Variants in TASOR2 observed in about 807,000 individuals in gnomAD.
TASOR2 encodes the protein protein TASOR 2.
A neutral mutation model predicts 199.5 loss-of-function variants in TASOR2; 84 were observed. The ratio of observed to expected loss-of-function variants is 0.42; its 90% CI spans 0.35 to 0.50. TASOR2 has a LOEUF of 0.50. TASOR2 is among the 20% of genes least tolerant of loss of function. TASOR2 has a pLI of 0.02. For missense variants in TASOR2, 2,796 were observed against 2,835.9 expected, an observed-to-expected ratio of 0.99 and a Z score of 0.32; for synonymous variants, 1,103 against 1,046.6, an observed-to-expected ratio of 1.05 and a Z score of -1.04.
chr10:5,741,164 C>T (rs762996183), intron 13 of TASOR2, among the ~76,000 whole-genome samples: 1 of 152,152 alleles, frequency 6.6e-6, no homozygotes, highest in East Asian at 1.9e-4. Context: ...TGGGAGAGGC[C>T]TGACATTCTG....
At chr10:5,731,885 C>G (rs754010591) in intron 11 of TASOR2, among the ~76,000 whole-genome samples, 1 of 152,182 alleles carries the variant, frequency 6.6e-6, no homozygotes, top group African/African-American at 2.4e-5. Flanking sequence ...ACCAGCAAAC[C>G]GTGATAGCTG....
At position 5,748,922 on chromosome 10, in the gene TASOR2, T is replaced by C; in HGVS notation, c.5501T>C (p.Leu1834Pro). 1 of 1,614,124 alleles carries C rather than the reference T, an allele frequency of 6.2e-7. No homozygotes were observed. Among genetic ancestry groups the C allele is most frequent in the African/African-American group, 1.3e-5 (1 of 75,024 alleles). ...CTCTCTGGAGATTCTGATCTAGACC[T>C]GCTTGGTGATTGTAGAAATCCCAGA... The change falls in exon 15 of 21, where the codon CTG becomes CCG. Residue 1834 changes from leucine to proline, a missense_variant. By Grantham distance (98) the Leu-to-Pro change is moderately conservative. Transcript: ENST00000328090. The surrounding 1 kb of genome is among the most constrained non-coding windows in gnomAD (Gnocchi z 5.1).
In TASOR2 at chr10:5,685,580, C is replaced by G. The variant is rs1235377383; in HGVS notation, c.-288+405C>G. ...GTTCTGCGTGAAGCCTGCTGCTACT[C>G]GAGACTTCATGGCAATGCGCCACCT... is the stretch of plus-strand genomic sequence containing the variant. On this transcript the variant is annotated intron_variant, in intron 1 of 20. Transcript: ENST00000328090. This position sits in a 1 kb window ranked among gnomAD's most constrained non-coding sequence, Gnocchi z 5.4. Among the ~76,000 whole-genome samples the G allele has an allele frequency of 6.6e-6, 1 of 152,138 alleles. No individual in the cohort carries two copies. Among genetic ancestry groups the G allele is most frequent in the Non-Finnish European group, 1.5e-5 (1 of 68,036 alleles).
intron 1 of TASOR2, among the ~76,000 whole-genome samples, chr10:5,702,822 A>G (rs942662616): frequency 3.3e-4 from 51 of 152,246 alleles, no homozygotes; most frequent in African/African-American, 1.2e-3. Context: ...AAGACACAAC[A>G]TGCTCCAGGG....
At chr10:5,758,905 T>A in exon 18 of TASOR2, 2 of 1,613,344 alleles carry the variant, frequency 1.2e-6, no homozygotes, top group South Asian at 2.2e-5. Flanking sequence ...AAGGAAATTA[T>A]CAAAATCCTG....
At chr10:5,725,274 C>G (rs1308898576) in intron 8 of TASOR2, among the ~76,000 whole-genome samples, 1 of 151,796 alleles carries the variant, frequency 6.6e-6, no homozygotes, top group African/African-American at 2.4e-5. Context: ...GCCTGTAGTC[C>G]CAGCTACTTG....
Position 5,724,535 on chromosome 10 carries a change from T to TAAGC in TASOR2, c.351+4_351+7dup, listed in dbSNP as rs1280908992. On this transcript the variant is annotated splice_region_variant and intron_variant, in intron 8 of 20. Transcript: ENST00000328090. ...GAATGTATTAAAAACAAGCAATTGG[T>TAAGC]AAGCATCACTAATTTAAAATATAAT... The TAAGC allele has an allele frequency of 7.7e-7, 1 of 1,298,624 alleles. No individual in the cohort carries two copies. The highest frequency in any genetic ancestry group is 1.0e-6 in the Non-Finnish European group (1 of 977,018). The allele number at this position is 1,298,624 out of a possible 1,614,324, so 80.4% of individuals were successfully genotyped here.
intron 11 of TASOR2, among the ~76,000 whole-genome samples, chr10:5,733,343 A>C (rs181839354): frequency 1.3e-5 from 2 of 152,234 alleles, no homozygotes; most frequent in Non-Finnish European, 2.9e-5. Flanking sequence ...CCCCGTCTCT[A>C]CTAAAAACAC....
At chr10:5,757,872 C>T (rs1839191254) in intron 17 of TASOR2, among the ~76,000 whole-genome samples, 199 bp downstream of exon 18, 1 of 152,098 alleles carries the variant, frequency 6.6e-6, no homozygotes, top group African/African-American at 2.4e-5. Flanking sequence ...CCTCTTTTAA[C>T]TGATTCTTAC....
At position 5,740,343 on chromosome 10, in the gene TASOR2, G is replaced by A. The variant is rs1312270946; in HGVS notation, c.2173G>A (p.Ala725Thr). The A allele has an allele frequency of 5.0e-6, 8 of 1,614,186 alleles. No homozygotes were observed. The highest frequency in any genetic ancestry group is 5.9e-6 in the Non-Finnish European group (7 of 1,180,050). Residue 725 changes from alanine (A) to threonine (T), a missense_variant, in exon 13 of 21, where the codon GCC becomes ACC. Ala to Thr is a moderately conservative substitution (Grantham distance 58). This residue lies in a region of TASOR2 where 847 missense variants were observed against 887.4 expected (regional missense o/e 0.95). Coordinates refer to ENST00000328090, the Ensembl canonical transcript of TASOR2. This position sits in a 1 kb window ranked among gnomAD's most constrained non-coding sequence, Gnocchi z 5.3. ...GAAGCCCAAGGATCGACCACCGTCT[G>A]CCCGTGTGAAAAAATCTTCTTGCTC...
intron 1 of TASOR2, chr10:5,712,618 C>T (rs766538031): frequency 8.6e-7 from 1 of 1,166,876 alleles, no homozygotes; most frequent in Non-Finnish European, 1.1e-6. Context: ...GTATATAAGC[C>T]TAGCACTTTT....
intron 1 of TASOR2, among the ~76,000 whole-genome samples, chr10:5,703,888 G>A (rs974059845): frequency 1.3e-5 from 2 of 151,762 alleles, no homozygotes; most frequent in African/African-American, 4.8e-5. Context: ...TTCCTTTCTG[G>A]GTTTTCATTC....
At chr10:5,758,341 G>C (rs1029520797) in intron 17 of TASOR2, among the ~76,000 whole-genome samples, 1 of 152,118 alleles carries the variant, frequency 6.6e-6, no homozygotes, top group African/African-American at 2.4e-5. Context: ...AGGAGTTCAA[G>C]ACCAGCCTGG....
Position 5,748,457 on chromosome 10 carries a change from T to C in TASOR2, c.5036T>C (p.Val1679Ala), listed in dbSNP as rs2669142. 1,594,923 of 1,614,196 alleles carry C rather than the reference T, an allele frequency of 0.99. 788,046 individuals carry two copies. Among genetic ancestry groups the C allele is most frequent in the East Asian group, 1 (44,889 of 44,890 alleles). Reference sequence around the variant, plus strand: ...GTAAGACCAATAAATGCAGAGCCAGTGTTTCAAGCACAGGAAATACCAGCA... The same window carrying C: ...GTAAGACCAATAAATGCAGAGCCAGCGTTTCAAGCACAGGAAATACCAGCA... The change falls in exon 15 of 21, where the codon GTG becomes GCG. Residue 1679 changes from valine to alanine, a missense_variant. Transcript: ENST00000328090. The surrounding 1 kb of genome is among the most constrained non-coding windows in gnomAD (Gnocchi z 5.1).
chr10:5,704,155 C>G (rs1166409112), intron 1 of TASOR2, among the ~76,000 whole-genome samples: 1 of 146,670 alleles, frequency 6.8e-6, no homozygotes, highest in Non-Finnish European at 1.5e-5. Flanking sequence ...ACCTGGGAGG[C>G]GAAAGTTGCC....
chr10:5,694,814 A>G (rs1308831480), intron 1 of TASOR2, among the ~76,000 whole-genome samples: 1 of 152,118 alleles, frequency 6.6e-6, no homozygotes, highest in Non-Finnish European at 1.5e-5. Flanking sequence ...TCCTACCCCC[A>G]TCCCAGACCC....
intron 11 of TASOR2, among the ~76,000 whole-genome samples, chr10:5,734,149 CAT>C (rs1835232341): frequency 6.6e-6 from 1 of 152,182 alleles, no homozygotes; most frequent in Non-Finnish European, 1.5e-5. Flanking sequence ...GTGATTATTT[CAT>C]ATGATATCTT....
intron 17 of TASOR2, 49 bp downstream of exon 18, chr10:5,757,722 T>C: frequency 6.3e-7 from 1 of 1,586,200 alleles, no homozygotes; most frequent in Admixed American, 1.7e-5. Flanking sequence ...GATCAACTTC[T>C]CACCCAGTGA....
rs1835910964 is a variant in TASOR2 at position 5,687,284 on chromosome 10, A to G, written c.-288+2109A>G. 6.6e-6 allele frequency among the ~76,000 whole-genome samples: 1 copy of G among 152,204 alleles called. No individual in the cohort carries two copies. Among genetic ancestry groups the G allele is most frequent in the African/African-American group, 2.4e-5 (1 of 41,460 alleles). On this transcript the variant is annotated intron_variant, in intron 1 of 20. Transcript: ENST00000328090. The surrounding 1 kb of genome is among the most constrained non-coding windows in gnomAD (Gnocchi z 4.8). ...TTCCCTGCCCCCCGTTACCCTGGCC[A>G]TTATTAATTTTGTGTTAATTATTCC...
Sources: gnomAD v4.1 joint callset for allele counts (sites outside exome capture counted in the v4.1 genomes callset) on GRCh38, gnomAD v4.1.1 for gene constraint, gnomAD v4.1.1 regional missense constraint, Gnocchi (gnomAD v3.1) non-coding constraint, MANE v1.5 for transcripts, NCBI Gene and HGNC (gene_info 2026-07-23, HGNC 2026-07-21) for gene names.